The following PPFIA1 variants were observed in gnomAD, a reference collection of about 807,000 sequenced individuals.
PPFIA1 encodes PPFI scaffold protein A1, also known as liprin-alpha-1.
Under a neutral mutation model 149.9 loss-of-function variants are expected in PPFIA1, and 25 were observed. The ratio of observed to expected loss-of-function variants is 0.17; its 90% CI spans 0.12 to 0.23. The LOEUF (loss-of-function observed/expected upper bound fraction) is 0.23, where lower values mean the gene tolerates loss of function less well. PPFIA1 is among the 10% of genes least tolerant of loss of function. The pLI is 1.00. For missense variants in PPFIA1, 1,362 were observed against 1,506.5 expected, an observed-to-expected ratio of 0.90 and a Z score of 1.59; for synonymous variants, 549 against 552.8, an observed-to-expected ratio of 0.99 and a Z score of 0.10.
At chr11:70,275,128 CT>C (rs1205911799) in intron 2 of PPFIA1, among the ~76,000 whole-genome samples, 1 of 152,144 alleles carries the variant, frequency 6.6e-6, no homozygotes, top group African/African-American at 2.4e-5. Context: ...TACATTTTAG[CT>C]GTTCTGGTGG....
chr11:70,326,917 A>G, intron 7 of PPFIA1, 99 bp downstream of exon 7: 1 of 969,800 alleles, frequency 1.0e-6, no homozygotes, highest in Non-Finnish European at 1.6e-6. Flanking sequence ...TACTCTCCCA[A>G]TTACTTTCAA....
At chr11:70,360,408 G>A (rs532152216) in intron 19 of PPFIA1, among the ~76,000 whole-genome samples, 2 of 152,382 alleles carry the variant, frequency 1.3e-5, no homozygotes, top group South Asian at 2.1e-4. Context: ...CTGAGCGTAA[G>A]TTGGGAACCC....
rs537028682 is a variant in PPFIA1, at chr11:70,304,877, G to T, written c.265-19525G>T. 1.7e-4 allele frequency among the ~76,000 whole-genome samples: 26 copies of T among 152,136 alleles called. No homozygotes were observed. The South Asian group carries it at 2.7e-3, about 16-fold the overall frequency. On this transcript the variant is annotated intron_variant, in intron 2 of 27. Coordinates refer to ENST00000253925, the MANE Select transcript of PPFIA1 (RefSeq NM_003626.5). Reference sequence around the variant, plus strand: ...TTTCCTATCCTCATTAGCCAGGGAGGTCAGCACCCCCTCATTTTACTAGAG... The same window carrying T: ...TTTCCTATCCTCATTAGCCAGGGAGTTCAGCACCCCCTCATTTTACTAGAG...
At chr11:70,379,064 A>G (rs2057599861) in intron 26 of PPFIA1, among the ~76,000 whole-genome samples, 1 of 152,108 alleles carries the variant, frequency 6.6e-6, no homozygotes, top group Non-Finnish European at 1.5e-5. Flanking sequence ...TCTTCCTCAT[A>G]GAGTAGTTGC....
At chr11:70,342,376 G>A (rs1166777157) in intron 14 of PPFIA1, among the ~76,000 whole-genome samples, 1 of 152,166 alleles carries the variant, frequency 6.6e-6, no homozygotes, top group African/African-American at 2.4e-5. Flanking sequence ...GGAGGTGTTG[G>A]GGGCTTGAAG....
intron 2 of PPFIA1, among the ~76,000 whole-genome samples, chr11:70,282,949 C>T (rs1348966474): frequency 6.7e-6 from 1 of 148,848 alleles, no homozygotes; most frequent in Non-Finnish European, 1.5e-5. Context: ...AAGCGATTCT[C>T]TTGCCTCAGC....
intron 2 of PPFIA1, among the ~76,000 whole-genome samples, chr11:70,284,644 G>A (rs186603719): frequency 6.6e-6 from 1 of 152,330 alleles, no homozygotes; most frequent in East Asian, 1.9e-4. Context: ...GGCACACTGT[G>A]GTCCAGAAAG....
In PPFIA1 at chr11:70,296,565, G is replaced by A. The variant is rs538274970; in HGVS notation, c.264+24129G>A. 3.2e-3 allele frequency among the ~76,000 whole-genome samples: 487 copies of A among 151,942 alleles called. 3 individuals are homozygous for A. Among genetic ancestry groups the A allele is most frequent in the African/African-American group, 0.011 (466 of 41,404 alleles). On this transcript the variant is annotated intron_variant, in intron 2 of 27. Coordinates refer to ENST00000253925, the MANE Select transcript of PPFIA1 (RefSeq NM_003626.5). ...GGCGTGGCGGTGCGCGCCTGCAATCGCAGGCACTCGGCAGGCTGAGGCAGG... is the reference window on the plus strand; with the variant it reads ...GGCGTGGCGGTGCGCGCCTGCAATCACAGGCACTCGGCAGGCTGAGGCAGG...
chr11:70,302,860 C>T (rs1441512222), intron 2 of PPFIA1, among the ~76,000 whole-genome samples: 4 of 151,380 alleles, frequency 2.6e-5, no homozygotes, highest in African/African-American at 4.9e-5. Flanking sequence ...CCTCCTGCCT[C>T]GGTGTCCCAA....
intron 15 of PPFIA1, among the ~76,000 whole-genome samples, chr11:70,347,910 G>A (rs1037910165): frequency 8.5e-5 from 13 of 152,178 alleles, no homozygotes; most frequent in Non-Finnish European, 1.9e-4. Flanking sequence ...GGCTGAGGCA[G>A]GAGAATTATT....
chr11:70,319,915 C>G (rs959024850), intron 2 of PPFIA1: 15 of 152,274 alleles, frequency 9.9e-5, no homozygotes, highest in African/African-American at 3.6e-4. Context: ...AGCAAACCTT[C>G]CGAGAAGCAC....
intron 16 of PPFIA1, among the ~76,000 whole-genome samples, chr11:70,349,400 G>A (rs1002401513): frequency 6.6e-6 from 1 of 152,150 alleles, no homozygotes; most frequent in African/African-American, 2.4e-5. Flanking sequence ...AGAGGCCAAG[G>A]TGGGAGGATT....
intron 2 of PPFIA1, among the ~76,000 whole-genome samples, chr11:70,283,460 G>A (rs1036455448): frequency 1.3e-4 from 20 of 152,144 alleles, no homozygotes; most frequent in African/African-American, 4.6e-4. Context: ...AAGGAATGAG[G>A]TCTTCAAATC....
At chr11:70,311,075 C>T (rs983131575) in intron 2 of PPFIA1, among the ~76,000 whole-genome samples, 2 of 152,086 alleles carry the variant, frequency 1.3e-5, no homozygotes, top group Non-Finnish European at 1.5e-5. Context: ...TTCGGGAGGC[C>T]GAGGTGGGCG....
intron 25 of PPFIA1, among the ~76,000 whole-genome samples, chr11:70,377,100 A>G (rs958914321): frequency 2.0e-5 from 3 of 152,028 alleles, no homozygotes; most frequent in Admixed American, 2.0e-4. Flanking sequence ...CCGCAAAAAA[A>G]AAACCCACAA....
chr11:70,372,833 G>A (rs550902708), intron 23 of PPFIA1, among the ~76,000 whole-genome samples: 3 of 152,328 alleles, frequency 2.0e-5, no homozygotes, highest in African/African-American at 7.2e-5. Context: ...TTTCCTGTGA[G>A]TTGAGAGTTT....
At chr11:70,339,129 C>T (rs967515374) in intron 13 of PPFIA1, 42 bp from the exon 14 acceptor site, 1 of 1,607,140 alleles carries the variant, frequency 6.2e-7, no homozygotes, top group South Asian at 1.1e-5. Context: ...AGTTTATTTT[C>T]TTTTCTTCTA....
chr11:70,378,488 T>G (rs1853340882), intron 26 of PPFIA1: 3 of 1,111,422 alleles, frequency 2.7e-6, no homozygotes, highest in Non-Finnish European at 3.3e-6. Context: ...GGCATACTTG[T>G]AAATTTGTGT....
At chr11:70,316,690 TG>T (rs1160818198) in intron 2 of PPFIA1, among the ~76,000 whole-genome samples, 1 of 152,136 alleles carries the variant, frequency 6.6e-6, no homozygotes, top group Non-Finnish European at 1.5e-5. Flanking sequence ...CACGTGAGGG[TG>T]GGGACCATGA....
Sources: allele counts gnomAD v4.1 joint callset (sites outside exome capture counted in the v4.1 genomes callset), GRCh38; gene constraint gnomAD v4.1.1; transcripts MANE v1.5; gene names NCBI Gene and HGNC (gene_info 2026-07-23, HGNC 2026-07-21).